The following CDH11 variants were observed in gnomAD, a reference collection of about 807,000 sequenced individuals.
CDH11 encodes the protein cadherin-11.
In CDH11, 11 loss-of-function variants were observed where a neutral mutation model predicts 67.8. That is an observed-to-expected ratio of 0.16 (90% CI 0.10 to 0.27). The LOEUF is 0.27. Ranked by LOEUF, CDH11 falls within the 10% of genes least tolerant of loss-of-function variation. The pLI is 1.00. For missense variants in CDH11, 847 were observed against 1,031.2 expected (o/e 0.82, Z 2.45); for synonymous variants, 419 against 400.0 (o/e 1.05, Z -0.57).
In CDH11 at chr16:64,998,683, G is replaced by A. The variant is rs754243954; in HGVS notation, c.402C>T (p.Asp134=). Residue 134 remains aspartate (D), a synonymous_variant, in exon 4 of 13, where the codon GAC becomes GAT. Coordinates refer to ENST00000268603, the MANE Select transcript of CDH11 (RefSeq NM_001797.4). Reference sequence around the variant, plus strand: ...ACGGTGGCTCCAGTGGCCGATTGGTGTCCCTGTCCACCGCCTGAGCCATCA... The same window carrying A: ...ACGGTGGCTCCAGTGGCCGATTGGTATCCCTGTCCACCGCCTGAGCCATCA... ...YTLMAQAVDR[D]TNRPLEPPSE... The A allele has an allele frequency of 6.2e-7, 1 of 1,614,056 alleles. No homozygotes were observed. The highest frequency in any genetic ancestry group is 8.5e-7 in the Non-Finnish European group (1 of 1,180,018).
intron 2 of CDH11, among the ~76,000 whole-genome samples, chr16:65,042,873 A>G (rs1450637119): frequency 2.0e-5 from 3 of 152,038 alleles, no homozygotes; most frequent in Non-Finnish European, 4.4e-5. Flanking sequence ...TGCCTATCCT[A>G]AGTTCCTTGT....
chr16:65,014,329 C>T (rs759246377), intron 2 of CDH11, among the ~76,000 whole-genome samples: 12 of 152,146 alleles, frequency 7.9e-5, no homozygotes, highest in Non-Finnish European at 1.8e-4. Context: ...TTCAAAAAAT[C>T]AGTGAACTTA....
chr16:64,995,229 G>GAA (rs59374488), intron 4 of CDH11, among the ~76,000 whole-genome samples: 5 of 150,150 alleles, frequency 3.3e-5, no homozygotes, highest in East Asian at 2.0e-4. Context: ...CACAGAATTA[G>GAA]AAAAAAAAAC....
chr16:64,952,870 T>C (rs999060528), intron 11 of CDH11, among the ~76,000 whole-genome samples: 2 of 152,170 alleles, frequency 1.3e-5, no homozygotes, highest in African/African-American at 4.8e-5. Flanking sequence ...TTATTTAATA[T>C]ATTTTAGGTT....
chr16:64,965,753 T>C (rs2071803787), intron 11 of CDH11, among the ~76,000 whole-genome samples: 1 of 149,732 alleles, frequency 6.7e-6, no homozygotes, highest in South Asian at 2.1e-4. Flanking sequence ...GTCCAAGACA[T>C]TGTTATGCGG....
chr16:64,993,231 T>A (rs897098504), intron 4 of CDH11, among the ~76,000 whole-genome samples, 197 bp from the exon 5 acceptor site: 2 of 151,938 alleles, frequency 1.3e-5, no homozygotes. Context: ...CCTTCCTTCC[T>A]TCCTGCTCTA....
At chr16:64,955,877 ATAT>A (rs1415833484) in intron 11 of CDH11, among the ~76,000 whole-genome samples, 2 of 152,182 alleles carry the variant, frequency 1.3e-5, no homozygotes, top group African/African-American at 2.4e-5. Context: ...TTTTCACCCT[ATAT>A]TTGACTACAT....
chr16:65,012,784 A>G (rs2073209382), intron 2 of CDH11, among the ~76,000 whole-genome samples: 1 of 152,216 alleles, frequency 6.6e-6, no homozygotes, highest in Non-Finnish European at 1.5e-5. Flanking sequence ...CAAACCTAGT[A>G]TCAAGAGGAA....
Position 64,972,957 on chromosome 16 carries a change from A to G in CDH11, c.1337T>C (p.Leu446Pro), listed in dbSNP as rs757482269. 10 of 1,613,744 alleles carry G rather than the reference A, an allele frequency of 6.2e-6. No individual in the cohort carries two copies. The highest frequency in any genetic ancestry group is 6.8e-6 in the Non-Finnish European group (8 of 1,179,842). ...GAGCCAGGCTGTTTCCTCTCTATCC[A>G]GAGGTTTTGTAGTTTTAATAAAACC... The part of the protein sequence containing the change: ...EDGFIKTTKP[L>P]DREETAWLNI... The change falls in exon 9 of 13, where the codon CTG becomes CCG. Residue 446 changes from leucine to proline, a missense_variant. By Grantham distance (98) the Leu-to-Pro change is moderately conservative. Transcript: ENST00000268603.
At chr16:65,019,934 T>C (rs942377389) in intron 2 of CDH11, among the ~76,000 whole-genome samples, 1 of 152,210 alleles carries the variant, frequency 6.6e-6, no homozygotes, top group African/African-American at 2.4e-5. Flanking sequence ...TTATAATCTT[T>C]TACCAAAAAC....
intron 1 of CDH11, among the ~76,000 whole-genome samples, chr16:65,064,801 A>G (rs1019077116): frequency 2.6e-5 from 4 of 152,230 alleles, no homozygotes; most frequent in Non-Finnish European, 5.9e-5. Flanking sequence ...AATAGCAGAA[A>G]GTAGAAGGAG....
At chr16:64,964,005 G>A (rs1037147689) in intron 11 of CDH11, among the ~76,000 whole-genome samples, 1 of 152,194 alleles carries the variant, frequency 6.6e-6, no homozygotes, top group East Asian at 1.9e-4. Context: ...GATATACAGA[G>A]AGAAAAGAAG....
intron 11 of CDH11, among the ~76,000 whole-genome samples, chr16:64,952,999 A>T (rs1344640662): frequency 6.6e-6 from 1 of 152,208 alleles, no homozygotes; most frequent in African/African-American, 2.4e-5. Flanking sequence ...GTCTTTGCAT[A>T]TAACCTACAC....
chr16:65,101,590 G>GC (rs1192745117), intron 1 of CDH11, among the ~76,000 whole-genome samples: 6 of 150,064 alleles, frequency 4.0e-5, no homozygotes, highest in Non-Finnish European at 8.9e-5. Flanking sequence ...CACTTTGTAG[G>GC]CCCCCCTATT....
intron 1 of CDH11, among the ~76,000 whole-genome samples, chr16:65,054,985 A>G (rs2074119355): frequency 6.6e-6 from 1 of 152,228 alleles, no homozygotes; most frequent in Non-Finnish European, 1.5e-5. Flanking sequence ...ATCTACTAAA[A>G]TTTGTTCATA....
rs767567167 is a variant in CDH11, at chr16:65,004,737, C to T, written c.133G>A (p.Gly45Arg). The T allele has an allele frequency of 3.0e-5, 49 of 1,613,778 alleles. No homozygotes were observed. The highest frequency in any genetic ancestry group is 3.4e-5 in the Non-Finnish European group (40 of 1,179,996). The change falls in exon 3 of 13, where the codon GGG becomes AGG. Residue 45 changes from glycine (G) to arginine (R), a missense_variant. Physicochemically the swap from Gly to Arg is moderately radical, Grantham distance 125 (BLOSUM62 -2). Coordinates refer to ENST00000268603, the MANE Select transcript of CDH11 (RefSeq NM_001797.4). ...CGCTTGGAGCGCTGTAGCACCTGCCCCTCCTTGCCCTTCTCATGGTGCCCA... is the reference window on the plus strand; with the variant it reads ...CGCTTGGAGCGCTGTAGCACCTGCCTCTCCTTGCCCTTCTCATGGTGCCCA... ...FHGHHEKGKE[G>R]QVLQRSKRGW...
rs746339300 is a variant in CDH11, at chr16:64,947,923, T to G, written c.2071A>C (p.Ile691Leu). The change falls in exon 13 of 13, where the codon ATC becomes CTC. Residue 691 changes from isoleucine to leucine, a missense_variant. Physicochemically the swap from Ile to Leu is conservative, Grantham distance 5 (BLOSUM62 2). This residue lies in a region of CDH11 where 612 missense variants were observed against 678.7 expected (regional missense o/e 0.90). Coordinates refer to ENST00000268603, the MANE Select transcript of CDH11 (RefSeq NM_001797.4). ...LQNPDGINGFIPRKDIKPEYQ... is the reference protein window; with the variant it reads ...LQNPDGINGFLPRKDIKPEYQ... ...TCAGGTTTGATGTCTTTGCGGGGGA[T>G]AAATCCATTGATACCATCAGGATTC... is the stretch of plus-strand genomic sequence containing the variant. The G allele has an allele frequency of 6.2e-7, 1 of 1,614,170 alleles. No homozygotes were observed. Among genetic ancestry groups the G allele is most frequent in the South Asian group, 1.1e-5 (1 of 91,084 alleles).
intron 1 of CDH11, among the ~76,000 whole-genome samples, chr16:65,099,006 T>C (rs1351695630): frequency 6.6e-6 from 1 of 152,208 alleles, no homozygotes; most frequent in Non-Finnish European, 1.5e-5. Flanking sequence ...ACAGATGTGC[T>C]TTGTAACCGT....
intron 1 of CDH11, among the ~76,000 whole-genome samples, chr16:65,063,457 T>C (rs1268002620): frequency 1.3e-5 from 2 of 152,190 alleles, no homozygotes; most frequent in African/African-American, 4.8e-5. Context: ...CCTGTTTGTC[T>C]GCAAATCAGT....
Sources: gnomAD v4.1 joint callset for allele counts (sites outside exome capture counted in the v4.1 genomes callset) on GRCh38, gnomAD v4.1.1 for gene constraint, gnomAD v4.1.1 regional missense constraint, MANE v1.5 for transcripts, NCBI Gene and HGNC (gene_info 2026-07-23, HGNC 2026-07-21) for gene names.